APLP2: variants seen among roughly 807,000 people sequenced by gnomAD.
APLP2 encodes the protein CDEI box-binding protein.
In APLP2, 53 loss-of-function variants were observed where a neutral mutation model predicts 89.9. That is an observed-to-expected ratio of 0.59 (90% CI 0.47 to 0.74). The LOEUF (loss-of-function observed/expected upper bound fraction) is 0.74. Among genes scored for constraint, APLP2 ranks in the 30% least tolerant of loss-of-function variants. The probability of loss-of-function intolerance (pLI) is 0.00; values close to 1 mark genes in which losing one functional copy is unlikely to be tolerated. For missense variants in APLP2, 973 were observed against 975.9 expected, an observed-to-expected ratio of 1.00 and a Z score of 0.04; for synonymous variants, 372 against 348.6, an observed-to-expected ratio of 1.07 and a Z score of -0.75.
intron 11 of APLP2, among the ~76,000 whole-genome samples, chr11:130,133,216 G>A (rs1295590191): frequency 6.6e-6 from 1 of 151,584 alleles, no homozygotes; most frequent in Non-Finnish European, 1.5e-5. Flanking sequence ...TAAACCTCCT[G>A]GGCTCCAGTG....
In APLP2 at chr11:130,109,606, A is replaced by G. The variant is rs775204584; in HGVS notation, c.279+4A>G. 1.2e-6 allele frequency: 2 copies of G among 1,605,412 alleles called. No homozygotes were observed. Among genetic ancestry groups the G allele is most frequent in the Non-Finnish European group, 1.7e-6 (2 of 1,176,718 alleles). On this transcript the variant is annotated splice_donor_region_variant and intron_variant, in intron 2 of 16. Coordinates refer to ENST00000338167, the MANE Select transcript of APLP2 (RefSeq NM_001142276.2). Reference sequence around the variant, plus strand: ...AGTTCTTCAGTACTGTCAGGAGGTAAGAGTGTTGCCAGTAAGTTGAAAGTG... The same window carrying G: ...AGTTCTTCAGTACTGTCAGGAGGTAGGAGTGTTGCCAGTAAGTTGAAAGTG...
chr11:130,126,632 C>T, intron 7 of APLP2, 68 bp from the exon 8 acceptor site: 21 of 1,585,794 alleles, frequency 1.3e-5, no homozygotes, highest in Non-Finnish European at 1.8e-5. Flanking sequence ...AGGTCCTGAG[C>T]TGGGTTTTCT....
chr11:130,110,460 T>TA (rs763408854), intron 2 of APLP2, 78 bp from the exon 3 acceptor site: 339 of 1,556,260 alleles, frequency 2.2e-4, no homozygotes, highest in Non-Finnish European at 2.7e-4. Flanking sequence ...TGAATAAACT[T>TA]AGACACTCCA....
chr11:130,124,501 A>G (rs1331410057), intron 7 of APLP2, among the ~76,000 whole-genome samples: 1 of 152,106 alleles, frequency 6.6e-6, no homozygotes, highest in Non-Finnish European at 1.5e-5. Flanking sequence ...CCTTTTCTCC[A>G]TGGCTACTCC....
Position 130,141,617 on chromosome 11 carries a change from G to C in APLP2, c.1998+45G>C. ...ACCTAAGGTTTCCTGCCAATCTTAG[G>C]TATTTCTCCTCTGGACCTTCTCAGT... is the stretch of plus-strand genomic sequence containing the variant. On this transcript the variant is annotated intron_variant, in intron 15 of 16. Transcript: ENST00000338167. The surrounding 1 kb of genome is among the most constrained non-coding windows in gnomAD (Gnocchi z 4.2). The C allele has an allele frequency of 6.4e-7, 1 of 1,553,022 alleles. No individual in the cohort carries two copies. Among genetic ancestry groups the C allele is most frequent in the South Asian group, 1.1e-5 (1 of 89,742 alleles).
At chr11:130,115,924 AAC>A (rs1476497455) in intron 3 of APLP2, among the ~76,000 whole-genome samples, 1 of 152,314 alleles carries the variant, frequency 6.6e-6, no homozygotes, top group East Asian at 1.9e-4. Flanking sequence ...AGGGGACAAA[AAC>A]AATTATTTTC....
At chr11:130,106,126 T>C (rs1947721004) in intron 1 of APLP2, among the ~76,000 whole-genome samples, 1 of 152,228 alleles carries the variant, frequency 6.6e-6, no homozygotes, top group Non-Finnish European at 1.5e-5. Context: ...CAAAGACAGA[T>C]CTTATGGAAT....
intron 3 of APLP2, among the ~76,000 whole-genome samples, chr11:130,120,226 G>A (rs1423081117): frequency 6.6e-6 from 1 of 152,132 alleles, no homozygotes; most frequent in African/African-American, 2.4e-5. Context: ...TTGCCCCTTT[G>A]TAATTAATCA....
intron 1 of APLP2, among the ~76,000 whole-genome samples, chr11:130,099,324 A>G (rs943631856): frequency 6.6e-6 from 1 of 152,236 alleles, no homozygotes; most frequent in African/African-American, 2.4e-5. Flanking sequence ...TTAATATTGT[A>G]GGTGTCTCAT....
chr11:130,120,791 C>G lies in APLP2; in HGVS notation c.489C>G (p.His163Gln). 1.2e-6 allele frequency: 2 copies of G among 1,613,812 alleles called. No individual in the cohort carries two copies. The highest frequency in any genetic ancestry group is 1.7e-6 in the Non-Finnish European group (2 of 1,179,776). The change falls in exon 4 of 17, where the codon CAC becomes CAG. Residue 163 changes from histidine (H) to glutamine (Q), a missense_variant. Transcript: ENST00000338167. ...HKERMEVCEN[H>Q]QHWHTVVKEA... The stretch of plus-strand genomic sequence containing the variant: ...AGCGGATGGAGGTGTGTGAGAATCA[C>G]CAGCACTGGCACACGGTAGTCAAAG...
Position 130,070,527 on chromosome 11 carries a change from C to T in APLP2, c.105+445C>T, listed in dbSNP as rs969710341. 5.6e-6 allele frequency: 7 copies of T among 1,249,340 alleles called. No homozygotes were observed. The African/African-American group carries it at 1.1e-4, about 20-fold the overall frequency. The allele number at this position is 1,249,340 out of a possible 1,614,324, so 77.4% of individuals were successfully genotyped here. ...ACGCTCCCTCGCGCGGCACCGGGGC[C>T]TCGGCTCCGGGCCTCCCACCTGCGA... On this transcript the variant is annotated intron_variant, in intron 1 of 16. Coordinates refer to ENST00000338167, the MANE Select transcript of APLP2 (RefSeq NM_001142276.2).
intron 12 of APLP2, among the ~76,000 whole-genome samples, chr11:130,134,016 C>A (rs1591843123): frequency 6.6e-6 from 1 of 152,340 alleles, no homozygotes; most frequent in African/African-American, 2.4e-5. Context: ...CTACGAGTTT[C>A]CTGTTCCCGT....
chr11:130,126,589 A>C (rs1039789958), intron 7 of APLP2, 111 bp from the exon 8 acceptor site: 5 of 1,297,612 alleles, frequency 3.9e-6, no homozygotes, highest in Non-Finnish European at 5.5e-6. Context: ...CTGCACTTAG[A>C]GAATGCCACA....
At chr11:130,137,390 T>TC in intron 13 of APLP2, 1 of 1,133,680 alleles carries the variant, frequency 8.8e-7, no homozygotes, top group South Asian at 1.2e-5. Flanking sequence ...CACCTGGCTT[T>TC]CCCCACCTCA....
chr11:130,074,803 G>A (rs188644145), intron 1 of APLP2, among the ~76,000 whole-genome samples: 24 of 152,140 alleles, frequency 1.6e-4, no homozygotes, highest in East Asian at 1.5e-3. Flanking sequence ...TGATTATTTC[G>A]AATTATGCTA....
chr11:130,102,411 C>G (rs1467234519), intron 1 of APLP2, among the ~76,000 whole-genome samples: 1 of 152,200 alleles, frequency 6.6e-6, no homozygotes, highest in African/African-American at 2.4e-5. Flanking sequence ...CAGGGTGAAA[C>G]TTGAATACTC....
At position 130,069,948 on chromosome 11, in the gene APLP2, G is replaced by A. The variant is rs1460171664; in HGVS notation, c.-30G>A. 6 of 1,479,964 alleles carry A rather than the reference G, an allele frequency of 4.1e-6. No homozygotes were observed. Among genetic ancestry groups the A allele is most frequent in the Non-Finnish European group, 5.4e-6 (6 of 1,111,380 alleles). 91.7% of individuals were successfully genotyped at this position (1,479,964 alleles called of 1,614,324 possible). A position where few individuals can be genotyped will look rare whatever the true frequency, so the allele number is the denominator to read the frequency against. ...GAGGAGTCCGAGTGTGTGAGCTTGA[G>A]AGCCGCGCGCTAGAGCGACCCGGCG... On this transcript the variant is annotated 5_prime_UTR_variant, in exon 1 of 17. Coordinates refer to ENST00000338167, the MANE Select transcript of APLP2 (RefSeq NM_001142276.2).
chr11:130,123,804 C>A lies in APLP2; in HGVS notation c.1090+25C>A. 6.2e-7 allele frequency: 1 copy of A among 1,609,678 alleles called. No individual in the cohort carries two copies. ...AGTAAGTCCTGCCTCGCGCTGGTCC[C>A]GTGCGGCAGCACCGTCCTGTCTGGC... On this transcript the variant is annotated intron_variant, in intron 7 of 16. Transcript: ENST00000338167. The surrounding 1 kb of genome is among the most constrained non-coding windows in gnomAD (Gnocchi z 4.0).
At chr11:130,083,338 A>G in intron 1 of APLP2, among the ~76,000 whole-genome samples, 1 of 151,824 alleles carries the variant, frequency 6.6e-6, no homozygotes, top group East Asian at 1.9e-4. Flanking sequence ...CCCTGCCTTA[A>G]AACATTTTTT....
Sources: gnomAD v4.1 joint callset for allele counts (sites outside exome capture counted in the v4.1 genomes callset) on GRCh38, gnomAD v4.1.1 for gene constraint, Gnocchi (gnomAD v3.1) non-coding constraint, MANE v1.5 for transcripts, NCBI Gene and HGNC (gene_info 2026-07-23, HGNC 2026-07-21) for gene names.